The following NPNT variants were observed in gnomAD, a reference collection of about 807,000 sequenced individuals.
NPNT encodes the protein preosteoblast EGF-like repeat protein with MAM domain.
In NPNT, 45 loss-of-function variants were observed where a neutral mutation model predicts 68.6. That is an observed-to-expected ratio of 0.66 (90% CI 0.52 to 0.84). The LOEUF is 0.84. Ranked by LOEUF, NPNT falls within the 40% of genes least tolerant of loss-of-function variation. The pLI is 0.00. For missense variants in NPNT, 672 were observed against 714.8 expected (o/e 0.94, Z 0.68); for synonymous variants, 233 against 253.3 (o/e 0.92, Z 0.76).
At chr4:105,955,873 G>A (rs1417835403) in intron 8 of NPNT, among the ~76,000 whole-genome samples, 2 of 151,994 alleles carry the variant, frequency 1.3e-5, no homozygotes, top group African/African-American at 4.8e-5. Flanking sequence ...ATACTGGTAT[G>A]TGTGAGGAAG....
intron 10 of NPNT, 94 bp downstream of exon 10, chr4:105,959,220 T>C (rs112173724): frequency 1.3e-6 from 1 of 753,592 alleles, no homozygotes; most frequent in Non-Finnish European, 2.3e-6. Context: ...CTGTAACACA[T>C]CTCTGTGTTT....
intron 8 of NPNT, among the ~76,000 whole-genome samples, chr4:105,950,874 C>T (rs1560534487): frequency 6.6e-6 from 1 of 152,210 alleles, no homozygotes; most frequent in Non-Finnish European, 1.5e-5. Flanking sequence ...CTGCCTGCCT[C>T]AGCCACCGAA....
At chr4:105,947,485 T>A (rs1005793198) in intron 8 of NPNT, among the ~76,000 whole-genome samples, 3 of 152,188 alleles carry the variant, frequency 2.0e-5, no homozygotes, top group Admixed American at 2.0e-4. Context: ...TCGGGGTCCC[T>A]GACTTCCCAC....
chr4:105,946,945 G>A (rs775253176), intron 8 of NPNT, among the ~76,000 whole-genome samples: 3 of 152,098 alleles, frequency 2.0e-5, no homozygotes, highest in Non-Finnish European at 4.4e-5. Context: ...TAAGCCTGAG[G>A]GTACTGCAAG....
rs1726015497 is a variant in NPNT, at chr4:105,897,995, T to TGTCAGC, written c.169_172+2dup. ...CTGGGCTCGCCAGTCTTGGGGACAG[T>TGTCAGC]GTCAGCGTGAGTATCAAGCCTGGGG... On this transcript the variant is annotated inframe_insertion, in exon 2 of 12. Transcript: ENST00000379987. 6.2e-7 allele frequency: 1 copy of TGTCAGC among 1,602,516 alleles called. No homozygotes were observed. Among genetic ancestry groups the TGTCAGC allele is most frequent in the Admixed American group, 1.7e-5 (1 of 57,482 alleles).
Position 105,959,095 on chromosome 4 carries a change from C to T in NPNT, c.1314C>T (p.Asp438=). ...LCGWIREKDN[D]LHWEPIRDPA... ...GATGGATCAGGGAGAAAGACAATGA[C>T]TTGCACTGGGAACCAATCAGGGACC... The change falls in exon 10 of 12, where the codon GAC becomes GAT. Residue 438 remains aspartate, a synonymous_variant. Transcript: ENST00000379987. The T allele has an allele frequency of 6.2e-7, 1 of 1,613,286 alleles. No homozygotes were observed. The highest frequency in any genetic ancestry group is 1.1e-5 in the South Asian group (1 of 91,066).
intron 8 of NPNT, among the ~76,000 whole-genome samples, chr4:105,954,292 T>C (rs1261138889): frequency 6.6e-6 from 1 of 152,208 alleles, no homozygotes; most frequent in Non-Finnish European, 1.5e-5. Flanking sequence ...TTTTAGTTTA[T>C]GCAGAAGGCT....
intron 11 of NPNT, 73 bp downstream of exon 11, chr4:105,967,517 G>C (rs1732264509): frequency 7.0e-7 from 1 of 1,427,994 alleles, no homozygotes; most frequent in Non-Finnish European, 9.4e-7. Context: ...ATCTGAATTT[G>C]AAGAAGCCTT....
intron 10 of NPNT, among the ~76,000 whole-genome samples, chr4:105,964,698 T>C (rs759019565): frequency 2.6e-5 from 4 of 152,180 alleles, no homozygotes; most frequent in Non-Finnish European, 4.4e-5. Flanking sequence ...AGTATTTTTA[T>C]TGATTTATGG....
At chr4:105,954,624 A>G (rs539856448) in intron 8 of NPNT, among the ~76,000 whole-genome samples, 28 of 152,178 alleles carry the variant, frequency 1.8e-4, no homozygotes, top group African/African-American at 6.3e-4. Context: ...CTCCAATTCC[A>G]TTTGATGCCC....
chr4:105,908,785 G>A (rs1331042499), intron 2 of NPNT, among the ~76,000 whole-genome samples: 1 of 151,996 alleles, frequency 6.6e-6, no homozygotes, highest in African/African-American at 2.4e-5. Context: ...GGATGGTCTC[G>A]ATCTCCTGAC....
chr4:105,970,604 C>T lies in NPNT; in HGVS notation c.*1614C>T. 1.5e-6 allele frequency: 1 copy of T among 662,446 alleles called. No homozygotes were observed. The highest frequency in any genetic ancestry group is 2.8e-6 in the Non-Finnish European group (1 of 359,736). 41.0% of individuals were successfully genotyped at this position (662,446 alleles called of 1,614,324 possible). On this transcript the variant is annotated 3_prime_UTR_variant, in exon 12 of 12. Coordinates refer to ENST00000379987, the MANE Select transcript of NPNT (RefSeq NM_001033047.3). Reference sequence around the variant, plus strand: ...TGGCTTAGACTAGAGTATAAGGGAGCATTTCTTGGCAGGGGCCATTGTTAG... The same window carrying T: ...TGGCTTAGACTAGAGTATAAGGGAGTATTTCTTGGCAGGGGCCATTGTTAG...
intron 4 of NPNT, among the ~76,000 whole-genome samples, chr4:105,937,737 G>A (rs911658515): frequency 1.3e-5 from 2 of 152,126 alleles, no homozygotes; most frequent in Non-Finnish European, 2.9e-5. Context: ...GTAAAAAATG[G>A]ACTATGCCCT....
intron 3 of NPNT, among the ~76,000 whole-genome samples, chr4:105,936,714 G>A (rs528953916): frequency 1.3e-4 from 20 of 152,308 alleles, no homozygotes; most frequent in Admixed American, 7.2e-4. Context: ...CCATGAGGAC[G>A]TTAGTATGCT....
In NPNT at chr4:105,938,322, C is replaced by A. The variant is rs767502883; in HGVS notation, c.407C>A (p.Ala136Glu). 4.3e-6 allele frequency: 7 copies of A among 1,613,718 alleles called. No homozygotes were observed. The highest frequency in any genetic ancestry group is 1.7e-6 in the Non-Finnish European group (2 of 1,179,750). The change falls in exon 5 of 12, where the codon GCA becomes GAA. Residue 136 changes from alanine to glutamate, a missense_variant. Physicochemically the swap from Ala to Glu is moderately radical, Grantham distance 107. Coordinates refer to ENST00000379987, the MANE Select transcript of NPNT (RefSeq NM_001033047.3). ...CCAGGTGCCCTGACCTGCTCCATGG[C>A]AAACTGTCAGTATGGCTGTGATGTT... ...SCSSALTCSM[A>E]NCQYGCDVVK...
At chr4:105,917,521 A>C (rs1003945336) in intron 2 of NPNT, among the ~76,000 whole-genome samples, 2 of 152,152 alleles carry the variant, frequency 1.3e-5, no homozygotes, top group Admixed American at 6.5e-5. Context: ...CTAGTGAAGG[A>C]GCTAGATAAG....
intron 3 of NPNT, chr4:105,929,443 C>G (rs913234795): frequency 6.6e-6 from 1 of 152,180 alleles, no homozygotes; most frequent in African/African-American, 2.4e-5. Flanking sequence ...TGTTTTCTCT[C>G]TAATACTCTT....
chr4:105,909,187 T>G (rs189164790), intron 2 of NPNT, among the ~76,000 whole-genome samples: 1 of 152,238 alleles, frequency 6.6e-6, no homozygotes, highest in East Asian at 1.9e-4. Context: ...GAGTTGATTT[T>G]ATATTGCATA....
intron 10 of NPNT, among the ~76,000 whole-genome samples, chr4:105,962,367 A>C (rs1214567919): frequency 6.6e-6 from 1 of 152,162 alleles, no homozygotes; most frequent in Non-Finnish European, 1.5e-5. Flanking sequence ...CAAATAATTG[A>C]CTAGGGTTAG....
Sources: allele counts gnomAD v4.1 joint callset (sites outside exome capture counted in the v4.1 genomes callset), GRCh38; gene constraint gnomAD v4.1.1; transcripts MANE v1.5; gene names NCBI Gene and HGNC (gene_info 2026-07-23, HGNC 2026-07-21).